UBAP1: variants seen among roughly 807,000 people sequenced by gnomAD.
The protein encoded by UBAP1 is ubiquitin-associated protein 1.
Under a neutral mutation model 39.0 loss-of-function variants are expected in UBAP1, and 5 were observed. The observed-to-expected ratio is 0.13, with a 90% CI of 0.07 to 0.27. The LOEUF is 0.27. Ranked by LOEUF, UBAP1 falls within the 10% of genes least tolerant of loss-of-function variation. The probability of loss-of-function intolerance (pLI) is 1.00; values close to 1 mark genes in which losing one functional copy is unlikely to be tolerated. For missense variants in UBAP1, 490 were observed against 608.1 expected (o/e 0.81, Z 2.04); for synonymous variants, 211 against 225.1 (o/e 0.94, Z 0.56).
intron 1 of UBAP1, among the ~76,000 whole-genome samples, chr9:34,185,660 A>G (rs1291577278): frequency 4.6e-5 from 7 of 152,150 alleles, no homozygotes; most frequent in African/African-American, 1.7e-4. Context: ...AGTCTGGCCA[A>G]CACGGTGAAA....
chr9:34,235,377 C>T (rs1348793549), intron 3 of UBAP1, among the ~76,000 whole-genome samples: 2 of 151,838 alleles, frequency 1.3e-5, no homozygotes, highest in Admixed American at 6.6e-5. Context: ...CTCACTCTGT[C>T]GCCCAGGCTG....
chr9:34,182,617 TTCTTTC>T (rs1830110210), intron 1 of UBAP1, among the ~76,000 whole-genome samples: 2 of 25,336 alleles, frequency 7.9e-5, no homozygotes, highest in Non-Finnish European at 1.5e-4. Flanking sequence ...CTTTCTTTCC[TTCTTTC>T]TTTCTTTCTT....
chr9:34,242,875 A>C (rs1834031378), intron 4 of UBAP1, among the ~76,000 whole-genome samples: 1 of 152,176 alleles, frequency 6.6e-6, no homozygotes, highest in Non-Finnish European at 1.5e-5. Flanking sequence ...ATTTAGAGCC[A>C]AAAAGGAGCC....
At chr9:34,232,186 G>A (rs1012491111) in intron 2 of UBAP1, among the ~76,000 whole-genome samples, 1 of 152,008 alleles carries the variant, frequency 6.6e-6, no homozygotes, top group Non-Finnish European at 1.5e-5. Context: ...GTAGAGAGGG[G>A]GTTTCACCAT....
At chr9:34,227,044 G>A (rs1049077296) in intron 2 of UBAP1, among the ~76,000 whole-genome samples, 7 of 152,202 alleles carry the variant, frequency 4.6e-5, no homozygotes, top group Non-Finnish European at 7.3e-5. Context: ...CTGAATTTGG[G>A]TCTGATGACT....
At chr9:34,224,412 A>G (rs1832936834) in intron 2 of UBAP1, 1 of 411,356 alleles carries the variant, frequency 2.4e-6, no homozygotes, top group African/African-American at 2.1e-5. Context: ...TTGTTTTGCA[A>G]ATACAACGCT....
chr9:34,211,890 G>A (rs114620930), intron 1 of UBAP1: 119 of 234,712 alleles, frequency 5.1e-4, no homozygotes, highest in African/African-American at 2.6e-3. Flanking sequence ...TAAGTTACCG[G>A]GTTTTCTTCC....
chr9:34,180,484 G>C (rs1280473462), intron 1 of UBAP1, among the ~76,000 whole-genome samples: 1 of 151,326 alleles, frequency 6.6e-6, no homozygotes, highest in Non-Finnish European at 1.5e-5. Context: ...CTCCAGCCTG[G>C]GCAACAGAGC....
chr9:34,228,009 G>A (rs1278892064), intron 2 of UBAP1, among the ~76,000 whole-genome samples: 1 of 151,994 alleles, frequency 6.6e-6, no homozygotes, highest in Non-Finnish European at 1.5e-5. Context: ...CATGCCTGTA[G>A]TCTCAGCTAC....
At chr9:34,181,476 A>G (rs556421192) in intron 1 of UBAP1, among the ~76,000 whole-genome samples, 36 of 150,338 alleles carry the variant, frequency 2.4e-4, no homozygotes, top group African/African-American at 8.8e-4. Flanking sequence ...TCTGTCGCCC[A>G]GGCTGGAGTG....
chr9:34,248,040 C>A (rs1048243417), intron 4 of UBAP1, among the ~76,000 whole-genome samples: 1 of 147,028 alleles, frequency 6.8e-6, no homozygotes, highest in Non-Finnish European at 1.5e-5. Flanking sequence ...AAAATAGATA[C>A]GATTTTTTTT....
At chr9:34,182,412 T>G (rs1830094420) in intron 1 of UBAP1, among the ~76,000 whole-genome samples, 1 of 151,682 alleles carries the variant, frequency 6.6e-6, no homozygotes, top group African/African-American at 2.4e-5. Flanking sequence ...CTTGAACTCC[T>G]GACCTCAAAT....
At chr9:34,200,616 G>GA (rs1288623879) in intron 1 of UBAP1, among the ~76,000 whole-genome samples, 1 of 152,090 alleles carries the variant, frequency 6.6e-6, no homozygotes, top group Non-Finnish European at 1.5e-5. Flanking sequence ...TTAACATACA[G>GA]AAAAAATATG....
intron 1 of UBAP1, among the ~76,000 whole-genome samples, chr9:34,217,063 A>G (rs554291882): frequency 9.0e-4 from 136 of 151,826 alleles, no homozygotes; most frequent in Non-Finnish European, 1.6e-3. Context: ...GGTAATTACT[A>G]TTATACTCTC....
chr9:34,210,124 A>G (rs1370113045), intron 1 of UBAP1, among the ~76,000 whole-genome samples: 1 of 152,216 alleles, frequency 6.6e-6, no homozygotes, highest in African/African-American at 2.4e-5. Flanking sequence ...AAATTGATGC[A>G]TAAAGAAAAG....
intron 1 of UBAP1, among the ~76,000 whole-genome samples, chr9:34,208,928 G>A (rs1831867706): frequency 6.6e-6 from 1 of 151,618 alleles, no homozygotes; most frequent in Admixed American, 6.6e-5. Flanking sequence ...TATTAACTCA[G>A]CTTCGTATTT....
intron 1 of UBAP1, among the ~76,000 whole-genome samples, chr9:34,184,504 A>T (rs1408289521): frequency 2.0e-5 from 3 of 150,492 alleles, no homozygotes; most frequent in Admixed American, 2.0e-4. Flanking sequence ...GGTGGCGGGC[A>T]CCTGTAGTCC....
chr9:34,232,472 G>A (rs1474566539), intron 2 of UBAP1, among the ~76,000 whole-genome samples: 3 of 152,298 alleles, frequency 2.0e-5, no homozygotes, highest in African/African-American at 7.2e-5. Flanking sequence ...ATTGATCACA[G>A]TTGTAAATTT....
intron 1 of UBAP1, among the ~76,000 whole-genome samples, chr9:34,215,675 T>C (rs1022559696): frequency 6.6e-6 from 1 of 151,606 alleles, no homozygotes; most frequent in Admixed American, 6.6e-5. Context: ...CAATAACTTA[T>C]GGAAAAATAA....
Sources: gnomAD v4.1 joint callset for allele counts (sites outside exome capture counted in the v4.1 genomes callset) on GRCh38, gnomAD v4.1.1 for gene constraint, MANE v1.5 for transcripts, NCBI Gene and HGNC (gene_info 2026-07-23, HGNC 2026-07-21) for gene names.